The following OIT3 variants were observed in gnomAD, a reference collection of about 807,000 sequenced individuals.
OIT3 encodes oncoprotein-induced transcript 3 protein.
Under a neutral mutation model 52.2 loss-of-function variants are expected in OIT3, and 41 were observed. The observed-to-expected ratio is 0.79, with a 90% CI of 0.61 to 1.02. OIT3 has a LOEUF of 1.02. OIT3 is among the 50% of genes least tolerant of loss of function. OIT3 has a pLI of 0.00. For synonymous variants in OIT3, 244 were observed against 276.9 expected (o/e 0.88, Z 1.18); for missense variants, 634 against 715.5 (o/e 0.89, Z 1.30).
chr10:72,929,252 A>C (rs1443666950), intron 7 of OIT3, among the ~76,000 whole-genome samples: 1 of 151,982 alleles, frequency 6.6e-6, no homozygotes, highest in Non-Finnish European at 1.5e-5. Flanking sequence ...TGGCCTGTGC[A>C]TGTGGAGCAA....
intron 2 of OIT3, among the ~76,000 whole-genome samples, 166 bp from the exon 3 acceptor site, chr10:72,900,211 A>G (rs1845919003): frequency 6.6e-6 from 1 of 152,142 alleles, no homozygotes; most frequent in Non-Finnish European, 1.5e-5. Context: ...AGTGCCAGCT[A>G]CTTGGGAGGC....
chr10:72,899,085 G>T (rs1179980585), intron 2 of OIT3, 47 bp downstream of exon 2: 1 of 1,546,688 alleles, frequency 6.5e-7, no homozygotes, highest in African/African-American at 1.4e-5. Flanking sequence ...AAGGCCACAG[G>T]TGGAGTCCAA....
At chr10:72,920,237 T>C (rs1846110263) in intron 6 of OIT3, among the ~76,000 whole-genome samples, 1 of 152,228 alleles carries the variant, frequency 6.6e-6, no homozygotes. Context: ...TATAATATTC[T>C]CTGATGGTTG....
chr10:72,932,523 A>G lies in OIT3; in HGVS notation c.1637A>G (p.Ter546TrpextTer61). 1 of 1,597,810 alleles carries G rather than the reference A, an allele frequency of 6.3e-7. No homozygotes were observed. Among genetic ancestry groups the G allele is most frequent in the Non-Finnish European group, 8.5e-7 (1 of 1,171,688 alleles). Residue 546 changes from the stop codon to tryptophan, a stop_lost, in exon 9 of 9, where the codon TAG (stop) becomes TGG (tryptophan). Transcript: ENST00000334011. ...GGPIRIDWED[*>W] The stretch of plus-strand genomic sequence containing the variant: ...CCGATCCGCATCGACTGGGAGGACT[A>G]GTTCGTAGCCATACCTCGAGTCCCT...
In OIT3 at chr10:72,924,641, A is replaced by G. The variant is rs761759038; in HGVS notation, c.1364A>G (p.Asp455Gly). The change falls in exon 7 of 9, where the codon GAT becomes GGT. Residue 455 changes from aspartate (D) to glycine (G), a missense_variant. Physicochemically the swap from Asp to Gly is moderately conservative, Grantham distance 94. Transcript: ENST00000334011. ...GTCCTGAAATACTACCTCATCCGGG[A>G]TGGGTAATGCTGCTGCAAGAATGGT... ...DEVLKYYLIR[D>G]GCVSDDSVKQ... The G allele has an allele frequency of 6.2e-7, 1 of 1,604,232 alleles. No homozygotes were observed.
At chr10:72,927,392 G>A (rs757384616) in intron 7 of OIT3, among the ~76,000 whole-genome samples, 6 of 152,038 alleles carry the variant, frequency 3.9e-5, no homozygotes, top group Non-Finnish European at 7.4e-5. Context: ...CACCTGCCTC[G>A]GCCTCCCAAA....
intron 6 of OIT3, among the ~76,000 whole-genome samples, chr10:72,915,403 C>A (rs1254632912): frequency 6.6e-6 from 1 of 152,108 alleles, no homozygotes; most frequent in Non-Finnish European, 1.5e-5. Context: ...AAGCTAATTT[C>A]TTTAGCAATT....
intron 1 of OIT3, among the ~76,000 whole-genome samples, chr10:72,895,632 G>C (rs1374344635): frequency 1.3e-5 from 2 of 152,218 alleles, no homozygotes; most frequent in East Asian, 1.9e-4. Flanking sequence ...AAAAGGGGCT[G>C]TGATTCAGGG....
chr10:72,898,115 T>C (rs1173683448), intron 1 of OIT3, among the ~76,000 whole-genome samples: 2 of 139,416 alleles, frequency 1.4e-5, no homozygotes, highest in Middle Eastern at 3.5e-3. Flanking sequence ...AAACCCTATC[T>C]CTACCAAAAA....
chr10:72,906,834 A>G, intron 4 of OIT3, 116 bp downstream of exon 4: 1 of 964,946 alleles, frequency 1.0e-6, no homozygotes. Flanking sequence ...TGGCTGTGCA[A>G]AGAAATGACA....
At chr10:72,899,959 T>A (rs1038451798) in intron 2 of OIT3, among the ~76,000 whole-genome samples, 4 of 152,188 alleles carry the variant, frequency 2.6e-5, no homozygotes, top group African/African-American at 9.7e-5. Flanking sequence ...AGTCTATAGC[T>A]CTTGTATGGT....
chr10:72,913,414 C>G lies in OIT3; in HGVS notation c.897C>G (p.Asn299Lys). The part of the protein sequence containing the change: ...LTNTSCRGVS[N>K]GTHVNILFSL... ...ACACCTCCTGCCGAGGAGTGTCCAA[C>G]GGCACCCATGTCAACATCCTCTTCT... The change falls in exon 6 of 9, where the codon AAC becomes AAG. Residue 299 changes from asparagine to lysine, a missense_variant. By Grantham distance (94) the Asn-to-Lys change is moderately conservative. Coordinates refer to ENST00000334011, the MANE Select transcript of OIT3 (RefSeq NM_152635.3). 1 of 1,613,360 alleles carries G rather than the reference C, an allele frequency of 6.2e-7. No homozygotes were observed. Among genetic ancestry groups the G allele is most frequent in the East Asian group, 2.2e-5 (1 of 44,876 alleles).
At position 72,906,671 on chromosome 10, in the gene OIT3, A is replaced by T; in HGVS notation, c.620A>T (p.Glu207Val). 1 of 1,611,416 alleles carries T rather than the reference A, an allele frequency of 6.2e-7. No homozygotes were observed. Among genetic ancestry groups the T allele is most frequent in the Non-Finnish European group, 8.5e-7 (1 of 1,178,660 alleles). Residue 207 changes from glutamate to valine, a missense_variant, in exon 4 of 9, where the codon GAG becomes GTG. Transcript: ENST00000334011. ...CVNLKNSYRCECGVGRVLRSD... is the reference protein window; with the variant it reads ...CVNLKNSYRCVCGVGRVLRSD... ...AACCTCAAAAACTCCTACCGCTGTG[A>T]GTGTGGGGTTGGCCGTGTGCTAAGA...
chr10:72,910,176 A>G (rs939442264), intron 4 of OIT3, among the ~76,000 whole-genome samples: 11 of 152,236 alleles, frequency 7.2e-5, no homozygotes, highest in African/African-American at 2.4e-4. Context: ...TTCATTTTAC[A>G]GATATTGAAA....
At chr10:72,899,334 C>T (rs146304042) in intron 2 of OIT3, among the ~76,000 whole-genome samples, 197 of 152,248 alleles carry the variant, frequency 1.3e-3, no homozygotes, top group Non-Finnish European at 1.9e-3. Context: ...CAGTGGCTCA[C>T]GCCTGTAATC....
chr10:72,916,306 C>T (rs1846072344), intron 6 of OIT3, among the ~76,000 whole-genome samples: 1 of 152,066 alleles, frequency 6.6e-6, no homozygotes. Context: ...GCTATATTTC[C>T]TGCTTCTCTC....
At chr10:72,921,613 A>G (rs1846122203) in intron 6 of OIT3, among the ~76,000 whole-genome samples, 1 of 151,080 alleles carries the variant, frequency 6.6e-6, no homozygotes, top group Non-Finnish European at 1.5e-5. Context: ...TTCTTCACTT[A>G]TGAAGCTTAG....
intron 7 of OIT3, among the ~76,000 whole-genome samples, chr10:72,926,318 A>G (rs942019680): frequency 2.0e-5 from 3 of 152,296 alleles, no homozygotes; most frequent in South Asian, 2.1e-4. Flanking sequence ...ACCCCTTGAT[A>G]TACATAGGAT....
At chr10:72,908,939 ATT>A (rs898047793) in intron 4 of OIT3, among the ~76,000 whole-genome samples, 6 of 141,764 alleles carry the variant, frequency 4.2e-5, no homozygotes, top group Non-Finnish European at 6.2e-5. Flanking sequence ...GCCCTTTTTA[ATT>A]TTTTTTTTTT....
Sources: allele counts gnomAD v4.1 joint callset (sites outside exome capture counted in the v4.1 genomes callset), GRCh38; gene constraint gnomAD v4.1.1; transcripts MANE v1.5; gene names NCBI Gene and HGNC (gene_info 2026-07-23, HGNC 2026-07-21).